The following ZDHHC9 variants were observed in gnomAD, a reference collection of about 807,000 sequenced individuals.
ZDHHC9 encodes the protein palmitoyltransferase ZDHHC9.
In ZDHHC9, 3 loss-of-function variants were observed where a neutral mutation model predicts 26.6. The ratio of observed to expected loss-of-function variants is 0.11; its 90% CI spans 0.05 to 0.29. The LOEUF is 0.29. Among genes scored for constraint, ZDHHC9 ranks in the 10% least tolerant of loss-of-function variants. The probability of loss-of-function intolerance (pLI) is 1.00; values close to 1 mark genes in which losing one functional copy is unlikely to be tolerated. For missense variants in ZDHHC9, 146 were observed against 296.4 expected (o/e 0.49, Z 3.73); for synonymous variants, 111 against 109.4 (o/e 1.01, Z -0.09).
At chrX:129,811,054 C>A in intron 9 of ZDHHC9, 53 bp from the exon 10 acceptor site, 1 of 1,084,327 alleles carries the variant, frequency 9.2e-7, no homozygotes, top group Non-Finnish European at 1.3e-6. Context: ...CCTCCACCCA[C>A]CTGGCCTACG....
chrX:129,841,830 T>C lies in ZDHHC9; in HGVS notation c.116A>G (p.Tyr39Cys), dbSNP rs1928389129. ...VMMARQKGIF[Y>C]LTLFLILGTC... ...CCCCAGGATGAGGAAAAGGGTCAGG[T>C]AGAAAATGCCCTTTTGCCGGGCCAT... Residue 39 changes from tyrosine to cysteine, a missense_variant, in exon 3 of 11, where the codon TAC (tyrosine) becomes TGC (cysteine). Physicochemically the swap from Tyr to Cys is radical, Grantham distance 194 (BLOSUM62 -2). Coordinates refer to ENST00000357166, the MANE Select transcript of ZDHHC9 (RefSeq NM_016032.4). 1 of 1,211,550 alleles carries C rather than the reference T, an allele frequency of 8.3e-7. No homozygotes were observed. Among genetic ancestry groups the C allele is most frequent in the Non-Finnish European group, 1.1e-6 (1 of 895,494 alleles).
At chrX:129,809,728 G>A (rs1022052178) in intron 10 of ZDHHC9, among the ~76,000 whole-genome samples, 5 of 112,275 alleles carry the variant, frequency 4.5e-5, no homozygotes, top group Non-Finnish European at 9.4e-5. Flanking sequence ...GTTGGGCGCA[G>A]TGGCTCACGC....
At position 129,832,112 on chromosome X, in the gene ZDHHC9, A is replaced by C. The variant is rs73633926; in HGVS notation, c.168-2971T>G. Among the ~76,000 whole-genome samples the C allele has an allele frequency of 1.5e-3, 160 of 103,271 alleles. 1 individual carries two copies. The highest frequency in any genetic ancestry group is 5.8e-3 in the African/African-American group (149 of 25,615). The allele number at this position is 103,271 out of a possible 115,157, so 89.7% of individuals were successfully genotyped here. A position where few individuals can be genotyped will look rare whatever the true frequency, so the allele number is the denominator to read the frequency against. On this transcript the variant is annotated intron_variant, in intron 3 of 10. Transcript: ENST00000357166. Reference sequence around the variant, plus strand: ...TGATTTAACTATTCCAAATGTATAGATGTATCAAAACATCATATTGTATAC... The same window carrying C: ...TGATTTAACTATTCCAAATGTATAGCTGTATCAAAACATCATATTGTATAC...
At chrX:129,843,382 GGGCCGGAGGCCGGA>G (rs1220703215) in intron 1 of ZDHHC9, 56 bp from the exon 2 acceptor site, 2 of 112,382 alleles carry the variant, frequency 1.8e-5, no homozygotes, top group Non-Finnish European at 3.8e-5. Context: ...CCCCAGCGGG[GGGCCGGAGGCCGGA>G]GGCCGGAGTC....
intron 3 of ZDHHC9, among the ~76,000 whole-genome samples, chrX:129,830,354 C>A (rs1406300180): frequency 1.8e-5 from 2 of 111,348 alleles, no homozygotes; most frequent in Admixed American, 9.6e-5. Flanking sequence ...GTGGATCAAA[C>A]GCACTAGTAT....
At chrX:129,822,087 G>A (rs1287193094) in intron 5 of ZDHHC9, among the ~76,000 whole-genome samples, 1 of 111,108 alleles carries the variant, frequency 9.0e-6, no homozygotes, top group Non-Finnish European at 1.9e-5. Flanking sequence ...ATTTGACCCA[G>A]CAATCCCATT....
intron 10 of ZDHHC9, among the ~76,000 whole-genome samples, chrX:129,807,868 C>T (rs1927557186): frequency 8.9e-6 from 1 of 111,982 alleles, no homozygotes; most frequent in South Asian, 3.7e-4. Context: ...ACAAGCTTGG[C>T]AAGGTTTTAG....
chrX:129,820,342 A>G (rs1265613943), intron 5 of ZDHHC9, among the ~76,000 whole-genome samples: 2 of 110,034 alleles, frequency 1.8e-5, no homozygotes, highest in Admixed American at 1.9e-4. Flanking sequence ...CACTTTGGGA[A>G]GCTGCAGCAG....
rs763914919 is a variant in ZDHHC9 at position 129,806,341 on chromosome X, C to T, written c.*29G>A. On this transcript the variant is annotated 3_prime_UTR_variant, in exon 11 of 11. Coordinates refer to ENST00000357166, the MANE Select transcript of ZDHHC9 (RefSeq NM_016032.4). ...GAAATCTCTCATAGCCCTAATTAAA[C>T]ACAAACAAAAGTCTCTTCCATAGAT... The T allele has an allele frequency of 2.6e-5, 30 of 1,162,380 alleles. No homozygotes were observed. In the Admixed American group the frequency reaches 5.0e-4, roughly 19 times the overall value.
In ZDHHC9 at chrX:129,837,957, C is replaced by A. The variant is rs182409695; in HGVS notation, c.167+3822G>T. Among the ~76,000 whole-genome samples, 4 of 112,411 alleles carry A rather than the reference C, an allele frequency of 3.6e-5. No individual in the cohort carries two copies. The Admixed American group carries it at 3.8e-4, about 11-fold the overall frequency. On this transcript the variant is annotated intron_variant, in intron 3 of 10. Coordinates refer to ENST00000357166, the MANE Select transcript of ZDHHC9 (RefSeq NM_016032.4). The stretch of plus-strand genomic sequence containing the variant: ...CTAGGTTGTCAGTGGCATTCTGCTA[C>A]AGTGTCCTAACACTTCAGGCCAAGC...
chrX:129,811,544 A>C (rs1927640771), intron 8 of ZDHHC9, 35 bp from the exon 9 acceptor site: 2 of 987,654 alleles, frequency 2.0e-6, no homozygotes, highest in East Asian at 6.3e-5. Flanking sequence ...CATTAAAAAT[A>C]ATGTTAAAAT....
intron 5 of ZDHHC9, among the ~76,000 whole-genome samples, chrX:129,816,503 C>T (rs1927760743): frequency 9.0e-6 from 1 of 110,589 alleles, no homozygotes; most frequent in African/African-American, 3.3e-5. Context: ...GTCGACTGCA[C>T]ATAAAACAAA....
intron 5 of ZDHHC9, among the ~76,000 whole-genome samples, chrX:129,820,623 C>CT (rs1387267885): frequency 2.7e-5 from 3 of 111,119 alleles, no homozygotes; most frequent in African/African-American, 9.8e-5. Flanking sequence ...ATTTATTTGA[C>CT]TATTAGTCAT....
At chrX:129,841,617 G>A (rs915395651) in intron 3 of ZDHHC9, among the ~76,000 whole-genome samples, 162 bp downstream of exon 3, 1 of 111,847 alleles carries the variant, frequency 8.9e-6, no homozygotes, top group Non-Finnish European at 1.9e-5. Context: ...TACATACTCT[G>A]TGATGACCAC....
intron 5 of ZDHHC9, among the ~76,000 whole-genome samples, chrX:129,819,626 T>G (rs1927837741): frequency 8.9e-6 from 1 of 111,832 alleles, no homozygotes; most frequent in African/African-American, 3.2e-5. Context: ...ATGTAGCCTA[T>G]CTCCCATTTT....
chrX:129,820,999 GA>G (rs1385884203), intron 5 of ZDHHC9, among the ~76,000 whole-genome samples: 1 of 110,581 alleles, frequency 9.0e-6, no homozygotes, highest in African/African-American at 3.3e-5. Context: ...CATTGTTCTC[GA>G]AAGAAGACAT....
chrX:129,812,696 G>C (rs1446109182), intron 8 of ZDHHC9, 22 bp downstream of exon 8: 1 of 1,140,969 alleles, frequency 8.8e-7, no homozygotes, highest in East Asian at 3.0e-5. Context: ...TATGTGGTGA[G>C]GAGAAGAGAA....
intron 3 of ZDHHC9, among the ~76,000 whole-genome samples, chrX:129,834,763 C>T (rs1602961423): frequency 8.9e-6 from 1 of 111,824 alleles, no homozygotes; most frequent in East Asian, 2.8e-4. Context: ...CTTATCTAAT[C>T]ATCATCATAG....
At chrX:129,825,895 G>A (rs1928006171) in intron 4 of ZDHHC9, among the ~76,000 whole-genome samples, 1 of 111,327 alleles carries the variant, frequency 9.0e-6, no homozygotes, top group Non-Finnish European at 1.9e-5. Flanking sequence ...AACCCTCAGA[G>A]AAGTAGAACT....
Sources: allele counts gnomAD v4.1 joint callset (sites outside exome capture counted in the v4.1 genomes callset), GRCh38; gene constraint gnomAD v4.1.1; transcripts MANE v1.5; gene names NCBI Gene and HGNC (gene_info 2026-07-23, HGNC 2026-07-21).